TMEM25: variants seen among roughly 807,000 people sequenced by gnomAD.
TMEM25 encodes the protein transmembrane protein 25.
Under a neutral mutation model 37.0 loss-of-function variants are expected in TMEM25, and 36 were observed. The ratio of observed to expected loss-of-function variants is 0.97; its 90% confidence interval spans 0.75 to 1.28. The LOEUF is 1.28. Among genes scored for constraint, TMEM25 ranks in the 50% most tolerant of loss-of-function variants. TMEM25 has a pLI of 0.00. For synonymous variants in TMEM25, 197 were observed against 203.7 expected (o/e 0.97, Z 0.28); for missense variants, 444 against 477.9 (o/e 0.93, Z 0.66).
At chr11:118,545,900 G>A in intron 8 of TMEM25, 1 of 1,531,764 alleles carries the variant, frequency 6.5e-7, no homozygotes, top group Non-Finnish European at 9.0e-7. Flanking sequence ...GGTGTCAGTG[G>A]TCCCAGAACC....
At chr11:118,539,341 T>C (rs1421974865), downstream of TMEM25, among the ~76,000 whole-genome samples, 2 of 152,006 alleles carry the variant, frequency 1.3e-5, no homozygotes, top group African/African-American at 4.8e-5. Context: ...CTAATTTTTG[T>C]ATTTTTAGTA....
chr11:118,538,133 C>G (rs117011748), downstream of TMEM25, among the ~76,000 whole-genome samples: 28 of 152,150 alleles, frequency 1.8e-4, no homozygotes, highest in Admixed American at 9.8e-4. Flanking sequence ...TATAAGAGTT[C>G]CCTTTTCTCC....
At position 118,534,019 on chromosome 11, in the gene TMEM25, C is replaced by T; in HGVS notation, c.837-10C>T. ...ACTCATATCCATCCCGAACTTTGTCCTCCCTGTAGTGACTCCAACAACCTA... is the reference window on the plus strand; with the variant it reads ...ACTCATATCCATCCCGAACTTTGTCTTCCCTGTAGTGACTCCAACAACCTA... On this transcript the variant is annotated splice_polypyrimidine_tract_variant and intron_variant, in intron 6 of 8. Transcript: ENST00000313236. The surrounding 1 kb of genome is among the most constrained non-coding windows in gnomAD (Gnocchi z 4.6). 1 of 1,614,072 alleles carries T rather than the reference C, an allele frequency of 6.2e-7. No homozygotes were observed. Among genetic ancestry groups the T allele is most frequent in the Non-Finnish European group, 8.5e-7 (1 of 1,179,962 alleles).
intron 8 of TMEM25, chr11:118,545,720 TAAAC>T (rs2135463488): frequency 6.8e-7 from 1 of 1,470,960 alleles, no homozygotes; most frequent in East Asian, 2.3e-5. Context: ...CTTCCCAGAG[TAAAC>T]AAGCCTGTCC....
chr11:118,533,762 G>C (rs1385793965), intron 5 of TMEM25, 95 bp from the exon 6 acceptor site: 2 of 1,598,640 alleles, frequency 1.3e-6, no homozygotes, highest in African/African-American at 2.7e-5. Flanking sequence ...GCATTTGAGA[G>C]ACCCCTTGCC....
chr11:118,542,743 T>G (rs1951594603), intron 8 of TMEM25, among the ~76,000 whole-genome samples: 1 of 151,970 alleles, frequency 6.6e-6, no homozygotes, highest in Non-Finnish European at 1.5e-5. Flanking sequence ...TGAAACCCCT[T>G]CTCTACTAAA....
chr11:118,541,609 C>T (rs1951580459), intron 8 of TMEM25, among the ~76,000 whole-genome samples: 3 of 151,832 alleles, frequency 2.0e-5, no homozygotes, highest in African/African-American at 2.4e-5. Context: ...ATTTTAGATA[C>T]ACAGGGTACA....
rs782658041 is a variant in TMEM25 at position 118,534,057 on chromosome 11, G to T, written c.865G>T (p.Val289Leu). 5.6e-6 allele frequency: 9 copies of T among 1,613,908 alleles called. 1 individual carries two copies. The African/African-American group carries it at 1.2e-4, about 22-fold the overall frequency. Reference sequence around the variant, plus strand: ...CTCCAACAACCTAAAACTCAACAACGTGCGCCTGCCACGGGAGAACATGTC... The same window carrying T: ...CTCCAACAACCTAAAACTCAACAACTTGCGCCTGCCACGGGAGAACATGTC... ...SDSNNLKLNN[V>L]RLPRENMSLP... The change falls in exon 7 of 9, where the codon GTG (valine) becomes TTG (leucine). Residue 289 changes from valine to leucine, a missense_variant. Transcript: ENST00000313236. This position sits in a 1 kb window ranked among gnomAD's most constrained non-coding sequence, Gnocchi z 4.6.
At chr11:118,537,234 G>A (rs1328675947), downstream of TMEM25, among the ~76,000 whole-genome samples, 1 of 152,064 alleles carries the variant, frequency 6.6e-6, no homozygotes, top group African/African-American at 2.4e-5. Flanking sequence ...CCAGCTACTC[G>A]GGAGGCTGAG....
chr11:118,532,589 C>T (rs1310931893), intron 3 of TMEM25, 128 bp downstream of exon 3: 2 of 1,080,652 alleles, frequency 1.9e-6, no homozygotes, highest in Non-Finnish European at 2.6e-6. Flanking sequence ...CTCATTTGAT[C>T]CTCTGAGTAA....
chr11:118,545,907 A>G, intron 8 of TMEM25: 3 of 1,464,666 alleles, frequency 2.0e-6, no homozygotes, highest in Non-Finnish European at 1.9e-6. Flanking sequence ...GTGGTCCCAG[A>G]ACCACTCTCT....
chr11:118,537,297 C>T (rs1426273018), downstream of TMEM25, among the ~76,000 whole-genome samples: 3 of 151,896 alleles, frequency 2.0e-5, no homozygotes, highest in Admixed American at 1.3e-4. Context: ...GCCGAGATCG[C>T]GCCAATGCAC....
downstream of TMEM25, among the ~76,000 whole-genome samples, chr11:118,537,106 C>T (rs190769452): frequency 3.2e-4 from 49 of 152,170 alleles, 1 homozygote; most frequent in East Asian, 8.3e-3. Flanking sequence ...TTTGGGAGGC[C>T]GAGGCGGGTG....
intron 8 of TMEM25, chr11:118,544,640 C>A: frequency 2.6e-6 from 1 of 383,556 alleles, no homozygotes; most frequent in Non-Finnish European, 4.7e-6. Context: ...TCCTCCCAAT[C>A]TAACCTCCAT....
In TMEM25 at chr11:118,534,235, C is replaced by T. The variant is rs539153923; in HGVS notation, c.938-31C>T. The T allele has an allele frequency of 2.3e-5, 37 of 1,613,870 alleles. No individual in the cohort carries two copies. Among genetic ancestry groups the T allele is most frequent in the Admixed American group, 3.3e-5 (2 of 60,020 alleles). ...GCGAGGCCTCATCAGGCACACTCCT[C>T]GTCCTGAACACTGCCCTCTTTGTCA... is the stretch of plus-strand genomic sequence containing the variant. On this transcript the variant is annotated intron_variant, in intron 7 of 8. Coordinates refer to ENST00000313236, the MANE Select transcript of TMEM25 (RefSeq NM_032780.4). This position sits in a 1 kb window ranked among gnomAD's most constrained non-coding sequence, Gnocchi z 4.6.
chr11:118,535,497 T>G lies in TMEM25; in HGVS notation c.*917T>G. On this transcript the variant is annotated 3_prime_UTR_variant, in exon 9 of 9. Transcript: ENST00000313236. ...GTCCTGAGCTCTCGGGGTTGATGGT[T>G]TTTCTCTCAGCATGTCTCCTCCACC... is the stretch of plus-strand genomic sequence containing the variant. 1 of 1,526,956 alleles carries G rather than the reference T, an allele frequency of 6.5e-7. No individual in the cohort carries two copies. Among genetic ancestry groups the G allele is most frequent in the Non-Finnish European group, 8.8e-7 (1 of 1,140,692 alleles). 94.6% of individuals were successfully genotyped at this position (1,526,956 alleles called of 1,614,324 possible).
Position 118,535,656 on chromosome 11 carries a change from C to T in TMEM25, c.*1076C>T. 1 of 1,513,170 alleles carries T rather than the reference C, an allele frequency of 6.6e-7. No homozygotes were observed. The allele number at this position is 1,513,170 out of a possible 1,614,324, so 93.7% of individuals were successfully genotyped here. A position where few individuals can be genotyped will look rare whatever the true frequency, so the allele number is the denominator to read the frequency against. On this transcript the variant is annotated 3_prime_UTR_variant, in exon 9 of 9. Coordinates refer to ENST00000313236, the MANE Select transcript of TMEM25 (RefSeq NM_032780.4). Reference sequence around the variant, plus strand: ...GGAACATGGAGAAAGAAGGAGACCACATACCCCAAAGTGACCTAAGAACAC... The same window carrying T: ...GGAACATGGAGAAAGAAGGAGACCATATACCCCAAAGTGACCTAAGAACAC...
At position 118,534,552 on chromosome 11, in the gene TMEM25, G is replaced by A. The variant is rs1459101205; in HGVS notation, c.1073G>A (p.Ser358Asn). The change falls in exon 9 of 9, where the codon AGC becomes AAC. Residue 358 changes from serine to asparagine, a missense_variant. Physicochemically the swap from Ser to Asn is conservative, Grantham distance 46. Coordinates refer to ENST00000313236, the MANE Select transcript of TMEM25 (RefSeq NM_032780.4). This position sits in a 1 kb window ranked among gnomAD's most constrained non-coding sequence, Gnocchi z 4.6. Reference protein sequence around the residue: ...PVLGYIYRVSSVSSDEIWL With the variant: ...PVLGYIYRVSNVSSDEIWL ...CTGGGCTATATCTATCGAGTGTCCA[G>A]CGTGAGCAGTGATGAGATCTGGCTC... The A allele has an allele frequency of 1.2e-6, 2 of 1,614,208 alleles. No homozygotes were observed. Among genetic ancestry groups the A allele is most frequent in the Non-Finnish European group, 1.7e-6 (2 of 1,180,032 alleles).
At chr11:118,543,111 T>C (rs995998876) in intron 8 of TMEM25, among the ~76,000 whole-genome samples, 3 of 151,960 alleles carry the variant, frequency 2.0e-5, no homozygotes, top group Non-Finnish European at 4.4e-5. Flanking sequence ...GGTGTAGTGG[T>C]GCATGCCTGT....
Sources: gnomAD v4.1 joint callset for allele counts (sites outside exome capture counted in the v4.1 genomes callset) on GRCh38, gnomAD v4.1.1 for gene constraint, Gnocchi (gnomAD v3.1) non-coding constraint, MANE v1.5 for transcripts, NCBI Gene and HGNC (gene_info 2026-07-23, HGNC 2026-07-21) for gene names.